Variants in GRP observed in about 807,000 individuals in gnomAD.
The protein encoded by GRP is gastrin-releasing peptide.
A neutral mutation model predicts 12.7 loss-of-function variants in GRP; 11 were observed. The ratio of observed to expected loss-of-function variants is 0.87; its 90% CI spans 0.55 to 1.44. GRP has a LOEUF of 1.44. Ranked by LOEUF, GRP falls within the 40% of genes most tolerant of loss-of-function variation. GRP has a pLI of 0.00. For synonymous variants in GRP, 84 were observed against 77.7 expected (o/e 1.08, Z -0.43); for missense variants, 212 against 185.4 (o/e 1.14, Z -0.83).
At chr18:59,221,686 A>G (rs1342398166) in intron 1 of GRP, among the ~76,000 whole-genome samples, 1 of 152,068 alleles carries the variant, frequency 6.6e-6, no homozygotes, top group Non-Finnish European at 1.5e-5. Flanking sequence ...GCTAATTCAT[A>G]TATCGGCTGA....
intron 1 of GRP, among the ~76,000 whole-genome samples, chr18:59,225,288 T>A (rs1481599792): frequency 6.6e-6 from 1 of 152,220 alleles, no homozygotes; most frequent in Non-Finnish European, 1.5e-5. Context: ...CAGTTCTGAA[T>A]GCTGTCTAGC....
upstream of GRP, chr18:59,220,120 G>GGC: frequency 9.9e-6 from 2 of 202,078 alleles, no homozygotes; most frequent in Non-Finnish European, 2.0e-5. Flanking sequence ...CCCCCCGCCC[G>GGC]GGCTTCCATA....
rs186799460 is a variant in GRP at position 59,220,892 on chromosome 18, C to T, written c.139+488C>T. On this transcript the variant is annotated intron_variant, in intron 1 of 2. Coordinates refer to ENST00000256857, the MANE Select transcript of GRP (RefSeq NM_002091.5). ...AAATCTAAGCTGCGCCTATGCTCCC[C>T]GCAAAGCCACAGGTGTGGGGACCTA... is the stretch of plus-strand genomic sequence containing the variant. 7.9e-3 allele frequency among the ~76,000 whole-genome samples: 1,207 copies of T among 152,356 alleles called. 15 individuals are homozygous for T. The highest frequency in any genetic ancestry group is 0.028 in the African/African-American group (1,154 of 41,596).
At chr18:59,219,199 A>G (rs1407410211), upstream of GRP, among the ~76,000 whole-genome samples, 1 of 151,672 alleles carries the variant, frequency 6.6e-6, no homozygotes, top group Non-Finnish European at 1.5e-5. Flanking sequence ...GGACAGTTTG[A>G]GCTTTCAGGT....
At chr18:59,227,379 C>A (rs1487145380) in intron 2 of GRP, among the ~76,000 whole-genome samples, 1 of 152,164 alleles carries the variant, frequency 6.6e-6, no homozygotes. Flanking sequence ...ATACCTGTGT[C>A]ATAGGTGTTA....
intron 1 of GRP, among the ~76,000 whole-genome samples, chr18:59,224,736 T>A (rs866895472): frequency 3.3e-5 from 5 of 152,196 alleles, no homozygotes; most frequent in Admixed American, 2.0e-4. Context: ...AGCAGCTTTT[T>A]AAAAAAATTA....
At chr18:59,226,989 C>CCT (rs1387664756) in intron 2 of GRP, among the ~76,000 whole-genome samples, 8 of 125,682 alleles carry the variant, frequency 6.4e-5, no homozygotes, top group African/African-American at 2.5e-4. Flanking sequence ...GGTTTCTTTT[C>CCT]TTCCTTTCTT....
chr18:59,220,716 C>T (rs2069818150), intron 1 of GRP, among the ~76,000 whole-genome samples: 1 of 152,190 alleles, frequency 6.6e-6, no homozygotes, highest in Admixed American at 6.5e-5. Flanking sequence ...CACCTTCCCT[C>T]TGCGCCCATC....
In GRP at chr18:59,225,616, A is replaced by G; in HGVS notation, c.264A>G (p.Ile88Met). Reference sequence around the variant, plus strand: ...CTGCAAGGAATTTGCTGGGTCTCATAGAAGCAAAGGAGAACAGAAACCACC... The same window carrying G: ...CTGCAAGGAATTTGCTGGGTCTCATGGAAGCAAAGGAGAACAGAAACCACC... ...EEAARNLLGL[I>M]EAKENRNHQP... The change falls in exon 2 of 3, where the codon ATA (isoleucine) becomes ATG (methionine). Residue 88 changes from isoleucine (I) to methionine (M), a missense_variant. Physicochemically the swap from Ile to Met is conservative, Grantham distance 10. Transcript: ENST00000256857. The G allele has an allele frequency of 6.2e-7, 1 of 1,614,194 alleles. No individual in the cohort carries two copies. Among genetic ancestry groups the G allele is most frequent in the Non-Finnish European group, 8.5e-7 (1 of 1,180,018 alleles).
intron 2 of GRP, among the ~76,000 whole-genome samples, chr18:59,227,085 TGC>T (rs1603384337): frequency 8.4e-5 from 10 of 119,534 alleles, no homozygotes; most frequent in South Asian, 2.3e-4. Flanking sequence ...CTTTCTCTCT[TGC>T]TCTCTCTCTC....
At chr18:59,219,864 G>A (rs966143828), upstream of GRP, among the ~76,000 whole-genome samples, 3 of 152,084 alleles carry the variant, frequency 2.0e-5, no homozygotes, top group Non-Finnish European at 2.9e-5. Flanking sequence ...TGGAGGCGCC[G>A]GCGAGCCTGG....
chr18:59,229,731 G>C (rs1202134680), intron 2 of GRP, among the ~76,000 whole-genome samples: 1 of 152,106 alleles, frequency 6.6e-6, no homozygotes, highest in Non-Finnish European at 1.5e-5. Flanking sequence ...GTGCTATATG[G>C]GAACAAAGAA....
intron 1 of GRP, among the ~76,000 whole-genome samples, chr18:59,222,130 A>G (rs1186348491): frequency 6.6e-6 from 1 of 152,212 alleles, no homozygotes; most frequent in Non-Finnish European, 1.5e-5. Flanking sequence ...TGGATTCCCA[A>G]TCTCTTTGTA....
At chr18:59,228,718 T>C (rs2069982648) in intron 2 of GRP, among the ~76,000 whole-genome samples, 1 of 152,204 alleles carries the variant, frequency 6.6e-6, no homozygotes, top group African/African-American at 2.4e-5. Context: ...CTGCAATTAA[T>C]GGAACTTTTC....
rs2069907049 is a variant in GRP at position 59,225,652 on chromosome 18, A to G, written c.300A>G (p.Gln100=). ...AGAACAGAAACCACCAGCCACCTCA[A>G]CCCAAGGCCCTGGGCAATCAGCAGC... ...AKENRNHQPP[Q]PKALGNQQPS... Residue 100 remains glutamine, a synonymous_variant, in exon 2 of 3, where the codon CAA becomes CAG. Coordinates refer to ENST00000256857, the MANE Select transcript of GRP (RefSeq NM_002091.5). The G allele has an allele frequency of 1.9e-6, 3 of 1,614,102 alleles. No homozygotes were observed. The highest frequency in any genetic ancestry group is 2.5e-6 in the Non-Finnish European group (3 of 1,179,974).
At chr18:59,227,423 A>C (rs1030689157) in intron 2 of GRP, among the ~76,000 whole-genome samples, 2 of 152,092 alleles carry the variant, frequency 1.3e-5, no homozygotes, top group African/African-American at 4.8e-5. Context: ...GATTGATCCC[A>C]TACTCTGAGG....
chr18:59,219,867 G>A (rs1023028656), upstream of GRP, among the ~76,000 whole-genome samples: 1 of 152,108 alleles, frequency 6.6e-6, no homozygotes, highest in Non-Finnish European at 1.5e-5. Flanking sequence ...AGGCGCCGGC[G>A]AGCCTGGAGA....
At position 59,230,526 on chromosome 18, in the gene GRP, A is replaced by C; in HGVS notation, c.*58A>C. 1 of 904,884 alleles carries C rather than the reference A, an allele frequency of 1.1e-6. No individual in the cohort carries two copies. The highest frequency in any genetic ancestry group is 1.3e-5 in the South Asian group (1 of 76,782). The allele number at this position is 904,884 out of a possible 1,614,324, so 56.1% of individuals were successfully genotyped here. On this transcript the variant is annotated 3_prime_UTR_variant, in exon 3 of 3. Transcript: ENST00000256857. ...AACCCCTAAGAGACTGCGTTCTGCA[A>C]GCATCAGTTCTACGGATCATCAACA...
chr18:59,228,443 C>T (rs1353607153), intron 2 of GRP, among the ~76,000 whole-genome samples: 1 of 152,204 alleles, frequency 6.6e-6, no homozygotes, highest in Non-Finnish European at 1.5e-5. Flanking sequence ...TCTACATATG[C>T]TCTCCTCTCT....
Sources: allele counts gnomAD v4.1 joint callset (sites outside exome capture counted in the v4.1 genomes callset), GRCh38; gene constraint gnomAD v4.1.1; transcripts MANE v1.5; gene names NCBI Gene and HGNC (gene_info 2026-07-23, HGNC 2026-07-21).